PCMTD1: variants seen among roughly 807,000 people sequenced by gnomAD.
PCMTD1 encodes the protein protein-L-isoaspartate O-methyltransferase domain-containing protein 1.
PCMTD1 carries 12 observed loss-of-function variants against 37.6 expected under a neutral mutation model. The observed-to-expected ratio is 0.32, with a 90% CI of 0.20 to 0.52. The LOEUF (loss-of-function observed/expected upper bound fraction) is 0.52, where lower values mean the gene tolerates loss of function less well. Among genes scored for constraint, PCMTD1 ranks in the 20% least tolerant of loss-of-function variants. The pLI, the probability that PCMTD1 is intolerant of heterozygous loss-of-function variation, is 0.97. For synonymous variants in PCMTD1, 117 were observed against 135.8 expected (o/e 0.86, Z 0.96); for missense variants, 235 against 421.3 (o/e 0.56, Z 3.87).
intron 1 of PCMTD1, among the ~76,000 whole-genome samples, chr8:51,885,452 T>G (rs1240788434): frequency 2.6e-5 from 4 of 152,186 alleles, no homozygotes; most frequent in Admixed American, 6.6e-5. Context: ...TCATACAAAC[T>G]TTTAGACAGG....
rs1286988036 is a variant in PCMTD1 at position 51,898,690 on chromosome 8, T to C, written c.-96+240A>G. 6.1e-5 allele frequency among the ~76,000 whole-genome samples: 9 copies of C among 147,106 alleles called. No individual in the cohort carries two copies. In the South Asian group the frequency reaches 1.5e-3, roughly 25 times the overall value. Reference sequence around the variant, plus strand: ...CGACCTCCAGGCTTCGCTGGGCCCCTTTCGACTCCCCGACCTCCCAAGTCC... The same window carrying C: ...CGACCTCCAGGCTTCGCTGGGCCCCCTTCGACTCCCCGACCTCCCAAGTCC... On this transcript the variant is annotated intron_variant, in intron 1 of 5. Coordinates refer to ENST00000522514, the MANE Select transcript of PCMTD1 (RefSeq NM_052937.4).
At chr8:51,884,398 CA>C (rs1285750377) in intron 1 of PCMTD1, among the ~76,000 whole-genome samples, 1 of 152,110 alleles carries the variant, frequency 6.6e-6, no homozygotes, top group East Asian at 1.9e-4. Flanking sequence ...GCCTCTAAGT[CA>C]AAAGGAATGT....
At chr8:51,886,369 T>G (rs1486663215) in intron 1 of PCMTD1, among the ~76,000 whole-genome samples, 1 of 152,202 alleles carries the variant, frequency 6.6e-6, no homozygotes, top group Non-Finnish European at 1.5e-5. Context: ...CTTTAATTAC[T>G]CCCATTCCCC....
intron 1 of PCMTD1, among the ~76,000 whole-genome samples, chr8:51,883,743 G>C (rs1255319927): frequency 6.6e-6 from 1 of 152,150 alleles, no homozygotes; most frequent in Non-Finnish European, 1.5e-5. Flanking sequence ...ATTCTCTGCA[G>C]TTGAATTACT....
chr8:51,878,250 G>GTTT (rs375362623), intron 1 of PCMTD1, among the ~76,000 whole-genome samples: 80,756 of 138,776 alleles, frequency 0.58, 27,529 homozygotes, highest in Non-Finnish European at 0.75. Context: ...TTTTTTTTTG[G>GTTT]TTTTTTTTTT....
At chr8:51,887,132 A>G (rs147448715) in intron 1 of PCMTD1, among the ~76,000 whole-genome samples, 2 of 152,258 alleles carry the variant, frequency 1.3e-5, no homozygotes, top group African/African-American at 4.8e-5. Context: ...ATCCAGGATA[A>G]TCTTCCTATC....
rs111791850 is a variant in PCMTD1 at position 51,833,415 on chromosome 8, T to C, written c.582+103A>G. 11 of 918,840 alleles carry C rather than the reference T, an allele frequency of 1.2e-5. No homozygotes were observed. In the African/African-American group the frequency reaches 1.2e-4, roughly 10 times the overall value. The allele number at this position is 918,840 out of a possible 1,614,324, so 56.9% of individuals were successfully genotyped here. A position where few individuals can be genotyped will look rare whatever the true frequency, so the allele number is the denominator to read the frequency against. The stretch of plus-strand genomic sequence containing the variant: ...GATAAATCTGGTGAAAAGTAATTTT[T>C]TCTTTAAAAGTTACAATATACCTTT... On this transcript the variant is annotated intron_variant, in intron 4 of 5. Transcript: ENST00000522514.
At chr8:51,831,658 T>C in intron 4 of PCMTD1, 91 bp from the exon 5 acceptor site, 4 of 1,313,966 alleles carry the variant, frequency 3.0e-6, no homozygotes, top group East Asian at 2.4e-5. Flanking sequence ...AGGGAACAAC[T>C]GCCAGTTAGA....
intron 5 of PCMTD1, among the ~76,000 whole-genome samples, chr8:51,828,748 G>A (rs2037958144): frequency 6.6e-6 from 1 of 152,166 alleles, no homozygotes; most frequent in Non-Finnish European, 1.5e-5. Context: ...TAGACTTCAT[G>A]GAAATAATCA....
rs1009189343 is a variant in PCMTD1, at chr8:51,866,070, C to CA, written c.-95-4825dup. ...AAATCAATCCCATTTACAACAACAT[C>CA]AAAAAAAAAATACCTAAAAGTAAAC... On this transcript the variant is annotated intron_variant, in intron 1 of 5. Transcript: ENST00000522514. 2.1e-3 allele frequency among the ~76,000 whole-genome samples: 305 copies of CA among 144,114 alleles called. 3 individuals carry two copies. The highest frequency in any genetic ancestry group is 9.1e-3 in the East Asian group (45 of 4,966). 94.5% of individuals were successfully genotyped at this position (144,114 alleles called of 152,430 possible). A position where few individuals can be genotyped will look rare whatever the true frequency, so the allele number is the denominator to read the frequency against.
At chr8:51,892,396 C>A (rs2038948800) in intron 1 of PCMTD1, among the ~76,000 whole-genome samples, 1 of 152,220 alleles carries the variant, frequency 6.6e-6, no homozygotes, top group African/African-American at 2.4e-5. Flanking sequence ...ACCATCCCAA[C>A]TCTTCCAACT....
intron 2 of PCMTD1, among the ~76,000 whole-genome samples, chr8:51,855,467 A>G (rs1325574909): frequency 1.3e-5 from 2 of 151,186 alleles, no homozygotes; most frequent in East Asian, 4.0e-4. Context: ...TGGGAGGCAC[A>G]GGCTGCAGTG....
chr8:51,840,740 A>C (rs2038136397), intron 3 of PCMTD1, among the ~76,000 whole-genome samples: 1 of 152,162 alleles, frequency 6.6e-6, no homozygotes, highest in Admixed American at 6.6e-5. Context: ...CATGTCAACT[A>C]AATCTTCTAA....
At chr8:51,887,017 G>A (rs925293882) in intron 1 of PCMTD1, among the ~76,000 whole-genome samples, 2 of 151,164 alleles carry the variant, frequency 1.3e-5, no homozygotes, top group African/African-American at 4.9e-5. Flanking sequence ...TGCAAAGCAA[G>A]AAACATGACG....
chr8:51,871,723 T>A (rs2038641962), intron 1 of PCMTD1, among the ~76,000 whole-genome samples: 1 of 152,236 alleles, frequency 6.6e-6, no homozygotes, highest in South Asian at 2.1e-4. Context: ...GTTGACTAAG[T>A]GTAAAAACAC....
upstream of PCMTD1, chr8:51,899,161 A>T (rs985108607): frequency 7.5e-7 from 1 of 1,331,318 alleles, no homozygotes; most frequent in Non-Finnish European, 9.6e-7. Flanking sequence ...CGCCAAAGTC[A>T]ACAAGGCCGG....
chr8:51,895,034 T>C (rs960801258), intron 1 of PCMTD1, among the ~76,000 whole-genome samples: 1 of 152,166 alleles, frequency 6.6e-6, no homozygotes, highest in African/African-American at 2.4e-5. Context: ...AGGCTGATGA[T>C]ACACAAGTGG....
At chr8:51,826,987 A>G in intron 5 of PCMTD1, 1 of 939,298 alleles carries the variant, frequency 1.1e-6, no homozygotes, top group African/African-American at 1.8e-5. Context: ...ACATTTGGCA[A>G]ATAATTTATA....
At chr8:51,876,344 G>A (rs1470487481) in intron 1 of PCMTD1, among the ~76,000 whole-genome samples, 2 of 152,172 alleles carry the variant, frequency 1.3e-5, no homozygotes, top group East Asian at 1.9e-4. Flanking sequence ...AAATGGAGGA[G>A]TCAGTGGGAA....
Sources: allele counts gnomAD v4.1 joint callset (sites outside exome capture counted in the v4.1 genomes callset), GRCh38; gene constraint gnomAD v4.1.1; transcripts MANE v1.5; gene names NCBI Gene and HGNC (gene_info 2026-07-23, HGNC 2026-07-21).